Variants in RFWD3 observed in about 807,000 individuals in gnomAD.
The protein encoded by RFWD3 is E3 ubiquitin-protein ligase RFWD3.
Under a neutral mutation model 87.7 loss-of-function variants are expected in RFWD3, and 65 were observed. The observed-to-expected ratio is 0.74, with a 90% confidence interval of 0.61 to 0.91. RFWD3 has a LOEUF of 0.91. Among genes scored for constraint, RFWD3 ranks in the 40% least tolerant of loss-of-function variants. RFWD3 has a pLI of 0.00. For synonymous variants in RFWD3, 433 were observed against 352.8 expected (o/e 1.23, Z -2.55); for missense variants, 1,078 against 938.5 (o/e 1.15, Z -1.94).
chr16:74,655,692 T>C (rs1426633531), intron 2 of RFWD3, among the ~76,000 whole-genome samples: 1 of 151,498 alleles, frequency 6.6e-6, no homozygotes, highest in East Asian at 1.9e-4. Flanking sequence ...CCTGGCTAAT[T>C]TGTTGTATTT....
chr16:74,647,315 T>C (rs902515705), intron 4 of RFWD3, among the ~76,000 whole-genome samples: 1 of 151,732 alleles, frequency 6.6e-6, no homozygotes, highest in African/African-American at 2.4e-5. Context: ...TGACATGGAG[T>C]CTTGGTCTGT....
At chr16:74,660,872 C>T in intron 2 of RFWD3, 60 bp downstream of exon 2, 8 of 1,530,544 alleles carry the variant, frequency 5.2e-6, no homozygotes, top group Non-Finnish European at 7.1e-6. Flanking sequence ...AATGGCAGAG[C>T]CTCAGTTTCA....
chr16:74,639,980 T>G (rs1348036646), intron 6 of RFWD3, among the ~76,000 whole-genome samples: 1 of 151,912 alleles, frequency 6.6e-6, no homozygotes, highest in African/African-American at 2.4e-5. Context: ...ATTTTATTAT[T>G]TATTATTGTT....
chr16:74,643,734 G>A (rs1959864286), intron 6 of RFWD3, among the ~76,000 whole-genome samples: 2 of 139,126 alleles, frequency 1.4e-5, no homozygotes, highest in African/African-American at 5.6e-5. Flanking sequence ...GGAGTGCAGT[G>A]GTGCAATTTC....
intron 2 of RFWD3, among the ~76,000 whole-genome samples, chr16:74,655,069 A>C (rs550343288): frequency 6.6e-6 from 1 of 152,266 alleles, no homozygotes; most frequent in Non-Finnish European, 1.5e-5. Context: ...AAGACAATTG[A>C]TGAAAGTATC....
At chr16:74,624,541 A>C (rs902297685) in intron 12 of RFWD3, among the ~76,000 whole-genome samples, 1 of 152,142 alleles carries the variant, frequency 6.6e-6, no homozygotes, top group Non-Finnish European at 1.5e-5. Flanking sequence ...GATTACAGAC[A>C]TCCACCACCA....
chr16:74,642,824 G>A (rs1344563652), intron 6 of RFWD3, among the ~76,000 whole-genome samples: 2 of 152,090 alleles, frequency 1.3e-5, no homozygotes, highest in East Asian at 3.9e-4. Context: ...AAAGCAATAT[G>A]GCAAAACATT....
At chr16:74,659,490 G>A (rs1461501047) in intron 2 of RFWD3, among the ~76,000 whole-genome samples, 1 of 152,148 alleles carries the variant, frequency 6.6e-6, no homozygotes, top group African/African-American at 2.4e-5. Flanking sequence ...AGCTACTTAG[G>A]AGGCTGAGGC....
chr16:74,651,546 G>T (rs1960567021), intron 3 of RFWD3, among the ~76,000 whole-genome samples: 1 of 152,200 alleles, frequency 6.6e-6, no homozygotes. Flanking sequence ...TTGAGCCCAA[G>T]AAGCGGAAGT....
rs199731609 is a variant in RFWD3, at chr16:74,626,370, A to G, written c.2154T>C (p.Thr718=). The part of the protein sequence containing the change: ...PENDGNILVC[T]GDEAANSALL... ...GGGCAGAATTTGCTGCTTCATCCCC[A>G]GTACACACCAGGATGTTGCCATCAT... Residue 718 remains threonine (T), a synonymous_variant, in exon 12 of 13, where the codon ACT becomes ACC. Coordinates refer to ENST00000361070, the MANE Select transcript of RFWD3 (RefSeq NM_018124.4). 2.5e-6 allele frequency: 4 copies of G among 1,614,224 alleles called. No individual in the cohort carries two copies. Among genetic ancestry groups the G allele is most frequent in the Non-Finnish European group, 3.4e-6 (4 of 1,180,032 alleles).
At chr16:74,655,201 CTT>C (rs913399177) in intron 2 of RFWD3, among the ~76,000 whole-genome samples, 1 of 152,122 alleles carries the variant, frequency 6.6e-6, no homozygotes, top group African/African-American at 2.4e-5. Context: ...GGCTGACTCT[CTT>C]GTTAGGGGAT....
chr16:74,663,087 G>A (rs1961590516), intron 1 of RFWD3, among the ~76,000 whole-genome samples: 1 of 151,932 alleles, frequency 6.6e-6, no homozygotes, highest in Non-Finnish European at 1.5e-5. Context: ...TGTATTTTTA[G>A]TACAGCCGGG....
At chr16:74,661,749 G>A (rs1371565184) in intron 1 of RFWD3, among the ~76,000 whole-genome samples, 1 of 152,130 alleles carries the variant, frequency 6.6e-6, no homozygotes, top group Non-Finnish European at 1.5e-5. Context: ...TTAAACTACT[G>A]GGTCTAAAAG....
intron 3 of RFWD3, among the ~76,000 whole-genome samples, chr16:74,650,322 TGTTA>T (rs563485825): frequency 1.3e-5 from 2 of 152,242 alleles, no homozygotes; most frequent in South Asian, 2.1e-4. Flanking sequence ...GCAAACTGGT[TGTTA>T]GAAAACAGTC....
Position 74,632,518 on chromosome 16 carries a change from C to T in RFWD3, c.1577+5G>A, listed in dbSNP as rs1191716020. ...AGTCTCCACCTACTTCCCCAAATCA[C>T]TCACCTGGTCAGTTTAATAGTGTTG... On this transcript the variant is annotated splice_donor_5th_base_variant and intron_variant, in intron 9 of 12. Coordinates refer to ENST00000361070, the MANE Select transcript of RFWD3 (RefSeq NM_018124.4). 2 of 1,613,582 alleles carry T rather than the reference C, an allele frequency of 1.2e-6. No homozygotes were observed. Among genetic ancestry groups the T allele is most frequent in the Non-Finnish European group, 1.7e-6 (2 of 1,179,672 alleles).
chr16:74,630,850 C>A lies in RFWD3; in HGVS notation c.1685G>T (p.Gly562Val). Residue 562 changes from glycine to valine, a missense_variant, in exon 10 of 13, where the codon GGT becomes GTT. Coordinates refer to ENST00000361070, the MANE Select transcript of RFWD3 (RefSeq NM_018124.4). ...ANYIYAGLAN[G>V]SILVYDVRNT... ...TCGCACGTCATATACCAGAATTGAA[C>A]CATTGGCCAGTCCAGCATAGATGTA... 3.7e-6 allele frequency: 6 copies of A among 1,613,994 alleles called. No individual in the cohort carries two copies. Among genetic ancestry groups the A allele is most frequent in the Non-Finnish European group, 5.1e-6 (6 of 1,179,952 alleles).
chr16:74,630,619 T>C (rs1262031266), intron 10 of RFWD3, among the ~76,000 whole-genome samples, 162 bp downstream of exon 10: 2 of 152,232 alleles, frequency 1.3e-5, no homozygotes, highest in African/African-American at 4.8e-5. Flanking sequence ...CAAACTCTTA[T>C]TAATAAGAAT....
intron 4 of RFWD3, 28 bp from the exon 5 acceptor site, chr16:74,644,763 T>A: frequency 6.4e-7 from 1 of 1,568,394 alleles, no homozygotes; most frequent in South Asian, 1.2e-5. Flanking sequence ...TATATTCAAA[T>A]TAGAGAAAAT....
At chr16:74,656,837 G>A (rs1011027624) in intron 2 of RFWD3, among the ~76,000 whole-genome samples, 1 of 152,192 alleles carries the variant, frequency 6.6e-6, no homozygotes, top group Non-Finnish European at 1.5e-5. Flanking sequence ...CAGGAATTTA[G>A]AAGAAGTTGA....
Sources: gnomAD v4.1 joint callset for allele counts (sites outside exome capture counted in the v4.1 genomes callset) on GRCh38, gnomAD v4.1.1 for gene constraint, MANE v1.5 for transcripts, NCBI Gene and HGNC (gene_info 2026-07-23, HGNC 2026-07-21) for gene names.